Variants in FSTL5 observed in about 807,000 individuals in gnomAD.
FSTL5 encodes follistatin like 5, also known as follistatin-related protein 5.
FSTL5 carries 62 observed loss-of-function variants against 89.1 expected under a neutral mutation model. The observed-to-expected ratio is 0.70, with a 90% CI of 0.57 to 0.86. FSTL5 has a LOEUF of 0.86. Ranked by LOEUF, FSTL5 falls within the 40% of genes least tolerant of loss-of-function variation. The pLI, the probability that FSTL5 is intolerant of heterozygous loss-of-function variation, is 0.00. For missense variants in FSTL5, 1,057 were observed against 1,001.6 expected (o/e 1.06, Z -0.75); for synonymous variants, 383 against 346.2 (o/e 1.11, Z -1.18).
chr4:161,929,648 T>C (rs937192521), intron 3 of FSTL5, among the ~76,000 whole-genome samples: 3 of 144,292 alleles, frequency 2.1e-5, no homozygotes, highest in Non-Finnish European at 4.5e-5. Context: ...CTCTAGCAGA[T>C]GTAGGTAGGC....
intron 7 of FSTL5, among the ~76,000 whole-genome samples, chr4:161,614,993 G>A (rs893872256): frequency 5.3e-5 from 8 of 152,014 alleles, no homozygotes; most frequent in African/African-American, 9.7e-5. Flanking sequence ...GGCAGAACAT[G>A]TAAAGAAATA....
At chr4:162,086,156 A>AT (rs1357230121) in intron 2 of FSTL5, among the ~76,000 whole-genome samples, 1 of 151,982 alleles carries the variant, frequency 6.6e-6, no homozygotes, top group Non-Finnish European at 1.5e-5. Flanking sequence ...TGCATTCTTG[A>AT]AGTATCTAAT....
chr4:161,612,087 C>T (rs900172026), intron 7 of FSTL5, among the ~76,000 whole-genome samples: 43 of 152,346 alleles, frequency 2.8e-4, no homozygotes, highest in African/African-American at 1.0e-3. Context: ...AGTTTCTTCA[C>T]ATTGTGTTCT....
chr4:161,417,018 T>G lies in FSTL5; in HGVS notation c.1842-30569A>C, dbSNP rs535675671. ...TTAATACAATGTTTATTATTAAAAG[T>G]GTCTTGGGTTTTTATTTAGAAGACT... On this transcript the variant is annotated intron_variant, in intron 15 of 15. Coordinates refer to ENST00000306100, the MANE Select transcript of FSTL5 (RefSeq NM_020116.5). Among the ~76,000 whole-genome samples, 3 of 152,236 alleles carry G rather than the reference T, an allele frequency of 2.0e-5. No individual in the cohort carries two copies. In the South Asian group the frequency reaches 6.2e-4, roughly 32 times the overall value.
At chr4:161,706,344 G>A (rs931197712) in intron 6 of FSTL5, among the ~76,000 whole-genome samples, 1 of 151,684 alleles carries the variant, frequency 6.6e-6, no homozygotes, top group East Asian at 1.9e-4. Flanking sequence ...TGATTTTTAA[G>A]TCATTTATTA....
At chr4:161,621,728 A>G (rs985283190) in intron 7 of FSTL5, among the ~76,000 whole-genome samples, 21 of 151,740 alleles carry the variant, frequency 1.4e-4, no homozygotes, top group African/African-American at 4.8e-4. Flanking sequence ...CTGTAATCCT[A>G]GCACTTTGGG....
chr4:161,627,612 C>T (rs1031360941), intron 7 of FSTL5, among the ~76,000 whole-genome samples: 1 of 151,984 alleles, frequency 6.6e-6, no homozygotes, highest in Admixed American at 6.6e-5. Context: ...AGTATAGAAG[C>T]TCAAAAATCT....
chr4:161,832,950 C>T (rs1457821995), intron 4 of FSTL5, among the ~76,000 whole-genome samples: 1 of 148,824 alleles, frequency 6.7e-6, no homozygotes, highest in African/African-American at 2.5e-5. Context: ...TCTTGCTTTT[C>T]TAGTTCTTTT....
At chr4:161,398,923 G>A (rs1731091220) in intron 15 of FSTL5, among the ~76,000 whole-genome samples, 1 of 151,924 alleles carries the variant, frequency 6.6e-6, no homozygotes, top group African/African-American at 2.4e-5. Context: ...CAATTTAAAA[G>A]CCCAGACATA....
intron 2 of FSTL5, among the ~76,000 whole-genome samples, chr4:162,078,472 T>C (rs1729956808): frequency 6.6e-6 from 1 of 151,954 alleles, no homozygotes; most frequent in East Asian, 1.9e-4. Flanking sequence ...CAAGATGAGA[T>C]AGATATTATA....
At chr4:162,012,471 A>C (rs1736796927) in intron 3 of FSTL5, among the ~76,000 whole-genome samples, 1 of 152,192 alleles carries the variant, frequency 6.6e-6, no homozygotes, top group African/African-American at 2.4e-5. Context: ...TTACAGTGAA[A>C]ATGAAATAAT....
intron 4 of FSTL5, among the ~76,000 whole-genome samples, chr4:161,874,202 T>C (rs1438798990): frequency 6.6e-6 from 1 of 152,082 alleles, no homozygotes; most frequent in African/African-American, 2.4e-5. Context: ...CTCAAACTTT[T>C]GCTATTTTTA....
intron 4 of FSTL5, among the ~76,000 whole-genome samples, chr4:161,912,380 G>C (rs562948710): frequency 8.8e-4 from 134 of 152,230 alleles, no homozygotes; most frequent in African/African-American, 3.1e-3. Flanking sequence ...TGTTGTTGGA[G>C]GGACCCAGCA....
Position 161,856,497 on chromosome 4 carries a change from A to G in FSTL5, c.409+63907T>C, listed in dbSNP as rs1010509294. Among the ~76,000 whole-genome samples, 3 of 152,156 alleles carry G rather than the reference A, an allele frequency of 2.0e-5. No individual in the cohort carries two copies. The East Asian group carries it at 5.8e-4, about 29-fold the overall frequency. ...GTTTACTTATATGCAACCATCAAAC[A>G]TTTATTGGGCATGTATTTTGCTAGG... On this transcript the variant is annotated intron_variant, in intron 4 of 15. Coordinates refer to ENST00000306100, the MANE Select transcript of FSTL5 (RefSeq NM_020116.5).
chr4:161,600,713 A>G (rs1409790906), intron 7 of FSTL5, among the ~76,000 whole-genome samples: 1 of 152,162 alleles, frequency 6.6e-6, no homozygotes, highest in African/African-American at 2.4e-5. Flanking sequence ...TTTTGGTTTC[A>G]TCAAAAATAT....
chr4:161,386,230 A>C lies in FSTL5; in HGVS notation c.2061T>G (p.Ile687Met). The C allele has an allele frequency of 6.2e-7, 1 of 1,613,982 alleles. No homozygotes were observed. The highest frequency in any genetic ancestry group is 8.5e-7 in the Non-Finnish European group (1 of 1,179,962). The stretch of plus-strand genomic sequence containing the variant: ...TGCCCGTCACATCACTATTGAACCC[A>C]ATGACTGAGTCAGTTACACCGTCCA... The part of the protein sequence containing the change: ...VMVDGVTDSV[I>M]GFNSDVTGTP... The change falls in exon 16 of 16, where the codon ATT (isoleucine) becomes ATG (methionine). Residue 687 changes from isoleucine to methionine, a missense_variant. Around this residue, in one of 3 missense-constraint regions of FSTL5, gnomAD observed 980 missense variants for 903.2 expected, o/e 1.08. Coordinates refer to ENST00000306100, the MANE Select transcript of FSTL5 (RefSeq NM_020116.5).
intron 3 of FSTL5, among the ~76,000 whole-genome samples, chr4:161,952,955 T>C (rs1298288221): frequency 6.6e-6 from 1 of 151,818 alleles, no homozygotes; most frequent in African/African-American, 2.4e-5. Context: ...GAACTAAGCA[T>C]ACATTAAATT....
At chr4:161,924,230 A>T (rs1444020224) in intron 3 of FSTL5, among the ~76,000 whole-genome samples, 1 of 151,630 alleles carries the variant, frequency 6.6e-6, no homozygotes, top group African/African-American at 2.4e-5. Context: ...ATATTAGAAA[A>T]ATTCCACAAA....
At chr4:161,686,549 A>G (rs1263516996) in intron 6 of FSTL5, among the ~76,000 whole-genome samples, 1 of 150,374 alleles carries the variant, frequency 6.7e-6, no homozygotes, top group Non-Finnish European at 1.5e-5. Context: ...TTTCGTAGAG[A>G]CAGGGTTTCA....
Sources: allele counts gnomAD v4.1 joint callset (sites outside exome capture counted in the v4.1 genomes callset), GRCh38; gene constraint gnomAD v4.1.1; regional missense constraint gnomAD v4.1.1; transcripts MANE v1.5; gene names NCBI Gene and HGNC (gene_info 2026-07-23, HGNC 2026-07-21).